The following DHX57 variants were observed in gnomAD, a reference collection of about 807,000 sequenced individuals.
DHX57 encodes the protein putative ATP-dependent RNA helicase DHX57.
Under a neutral mutation model 156.2 loss-of-function variants are expected in DHX57, and 105 were observed. The observed-to-expected ratio is 0.67, with a 90% CI of 0.57 to 0.79. The LOEUF (loss-of-function observed/expected upper bound fraction) is 0.79, where lower values mean the gene tolerates loss of function less well. Among genes scored for constraint, DHX57 ranks in the 30% least tolerant of loss-of-function variants. The pLI is 0.00. For synonymous variants in DHX57, 704 were observed against 595.6 expected (o/e 1.18, Z -2.65); for missense variants, 1,847 against 1,661.9 (o/e 1.11, Z -1.94).
chr2:38,865,359 C>A (rs996246202), intron 2 of DHX57, among the ~76,000 whole-genome samples: 4 of 151,970 alleles, frequency 2.6e-5, no homozygotes, highest in African/African-American at 7.3e-5. Context: ...AAGGGGTGTC[C>A]CCCTTTACTT....
At chr2:38,828,902 G>C (rs1671241005) in intron 13 of DHX57, among the ~76,000 whole-genome samples, 1 of 151,944 alleles carries the variant, frequency 6.6e-6, no homozygotes, top group Non-Finnish European at 1.5e-5. Flanking sequence ...AATGTCTGTC[G>C]GTATAATGCC....
intron 21 of DHX57, among the ~76,000 whole-genome samples, chr2:38,808,123 T>A (rs1224466095): frequency 1.3e-5 from 2 of 151,320 alleles, no homozygotes; most frequent in Non-Finnish European, 2.9e-5. Flanking sequence ...CTCAGCTAAT[T>A]TTTGTATTTT....
chr2:38,842,882 T>C (rs1244060761), intron 12 of DHX57, 123 bp downstream of exon 12: 4 of 1,007,492 alleles, frequency 4.0e-6, no homozygotes, highest in Non-Finnish European at 5.8e-6. Flanking sequence ...AAGGTTGCTC[T>C]GATGAATTAA....
At position 38,826,675 on chromosome 2, in the gene DHX57, G is replaced by T. The variant is rs779825210; in HGVS notation, c.2654C>A (p.Pro885Gln). The change falls in exon 15 of 24, where the codon CCA becomes CAA. Residue 885 changes from proline to glutamine, a missense_variant. Pro to Gln is a moderately conservative substitution (Grantham distance 76). Coordinates refer to ENST00000457308, the MANE Select transcript of DHX57 (RefSeq NM_198963.3). The stretch of plus-strand genomic sequence containing the variant: ...TTCACTGGATAAAGATGAATGAAGT[G>T]GGTGAATAACACATCTGGAAGGAAA... ...NRRSNRCVIH[P>Q]LHSSLSSEEQ... 1.9e-6 allele frequency: 3 copies of T among 1,613,986 alleles called. No homozygotes were observed. In the Middle Eastern group the frequency reaches 5.0e-4, roughly 266 times the overall value.
rs538883762 is a variant in DHX57, at chr2:38,803,346, C to T, written c.3817-431G>A. 2.0e-5 allele frequency among the ~76,000 whole-genome samples: 3 copies of T among 152,198 alleles called. No individual in the cohort carries two copies. In the East Asian group the frequency reaches 5.8e-4, roughly 29 times the overall value. ...TCAGGAAATGATGCTCCCATTCACC[C>T]AGCTGCTCAGGCCCCCAATTTAGGA... On this transcript the variant is annotated intron_variant, in intron 22 of 23. Transcript: ENST00000457308.
chr2:38,842,630 C>T lies in DHX57; in HGVS notation c.2425+375G>A. 1.3e-5 allele frequency among the ~76,000 whole-genome samples: 2 copies of T among 152,062 alleles called. 1 individual carries two copies. The highest frequency in any genetic ancestry group is 3.9e-4 in the East Asian group (2 of 5,188). On this transcript the variant is annotated intron_variant, in intron 12 of 23. Coordinates refer to ENST00000457308, the MANE Select transcript of DHX57 (RefSeq NM_198963.3). Reference sequence around the variant, plus strand: ...CAAAAAATGAAGTAAACATTAACAACTGGTGAATTGGGGTAAAGGATATAT... The same window carrying T: ...CAAAAAATGAAGTAAACATTAACAATTGGTGAATTGGGGTAAAGGATATAT...
intron 21 of DHX57, 143 bp downstream of exon 21, chr2:38,813,678 G>A (rs1670386351): frequency 1.0e-6 from 1 of 972,650 alleles, no homozygotes; most frequent in Non-Finnish European, 1.5e-6. Context: ...GGCCGAAAAT[G>A]TATACTAAGT....
intron 2 of DHX57, 96 bp downstream of exon 2, chr2:38,868,086 T>G: frequency 6.8e-7 from 1 of 1,463,008 alleles, no homozygotes; most frequent in Admixed American, 1.9e-5. Context: ...TTGACCAGAA[T>G]TACTCGACTT....
At position 38,861,116 on chromosome 2, in the gene DHX57, A is replaced by T. The variant is rs750408030; in HGVS notation, c.1294T>A (p.Tyr432Asn). 1 of 1,614,154 alleles carries T rather than the reference A, an allele frequency of 6.2e-7. No individual in the cohort carries two copies. The highest frequency in any genetic ancestry group is 2.2e-5 in the East Asian group (1 of 44,880). Residue 432 changes from tyrosine to asparagine, a missense_variant, in exon 5 of 24, where the codon TAT becomes AAT. Coordinates refer to ENST00000457308, the MANE Select transcript of DHX57 (RefSeq NM_198963.3). ...AGAAAGTTCACAGGAGGGTCACTAT[A>T]CTTGTGGTGGGTATTCGTTAGTAAC... is the stretch of plus-strand genomic sequence containing the variant. ...VKLLTNTHHK[Y>N]SDPPVNFLPV... is the part of the protein sequence containing the mutation.
chr2:38,816,378 C>G (rs914246935), intron 19 of DHX57, among the ~76,000 whole-genome samples: 1 of 152,036 alleles, frequency 6.6e-6, no homozygotes, highest in East Asian at 1.9e-4. Context: ...CCACGCCCAG[C>G]CAATTTTTGT....
intron 17 of DHX57, among the ~76,000 whole-genome samples, chr2:38,822,551 G>A (rs1039805656): frequency 2.0e-5 from 3 of 151,750 alleles, no homozygotes; most frequent in African/African-American, 2.4e-5. Context: ...ACATCACCAC[G>A]CCTGGCTAAT....
In DHX57 at chr2:38,855,241, G is replaced by A; in HGVS notation, c.1721C>T (p.Thr574Ile). 2 of 1,614,162 alleles carry A rather than the reference G, an allele frequency of 1.2e-6. No homozygotes were observed. Among genetic ancestry groups the A allele is most frequent in the Non-Finnish European group, 1.7e-6 (2 of 1,180,020 alleles). ...CAGAATAAACTGCGGAATTTGTGTG[G>A]TTTTCCCACATCTGTACATTAAAAC... Reference protein sequence around the residue: ...VISGMTGCGKTTQIPQFILDD... With the variant: ...VISGMTGCGKITQIPQFILDD... The change falls in exon 8 of 24, where the codon ACC becomes ATC. Residue 574 changes from threonine (T) to isoleucine (I), a missense_variant. By Grantham distance (89) the Thr-to-Ile change is moderately conservative. Transcript: ENST00000457308.
At chr2:38,862,071 A>C in intron 4 of DHX57, 74 bp downstream of exon 4, 1 of 1,467,270 alleles carries the variant, frequency 6.8e-7, no homozygotes, top group Non-Finnish European at 9.2e-7. Context: ...GTACACAAAG[A>C]GGGGTAGTGG....
At position 38,798,223 on chromosome 2, in the gene DHX57, C is replaced by G; in HGVS notation, c.*76G>C. The G allele has an allele frequency of 4.5e-6, 7 of 1,539,448 alleles. No individual in the cohort carries two copies. The highest frequency in any genetic ancestry group is 6.1e-6 in the Non-Finnish European group (7 of 1,146,344). On this transcript the variant is annotated 3_prime_UTR_variant, in exon 24 of 24. Coordinates refer to ENST00000457308, the MANE Select transcript of DHX57 (RefSeq NM_198963.3). ...GGCCAGCCCCAATAGGTCTTTAGTT[C>G]GAGGTAGAGGTTCTGCTGTTATTTC...
intron 20 of DHX57, among the ~76,000 whole-genome samples, chr2:38,814,768 G>T (rs1400702864): frequency 6.6e-6 from 1 of 152,046 alleles, no homozygotes; most frequent in Admixed American, 6.6e-5. Flanking sequence ...TGCTGCCCAG[G>T]CTGGAGTGCA....
chr2:38,799,665 G>C (rs1181198649), intron 23 of DHX57, among the ~76,000 whole-genome samples: 2 of 147,332 alleles, frequency 1.4e-5, no homozygotes, highest in Non-Finnish European at 3.0e-5. Flanking sequence ...CAGGAGAATT[G>C]CTTGAACCCA....
chr2:38,827,505 A>T (rs868317554), intron 14 of DHX57, among the ~76,000 whole-genome samples: 112 of 10,120 alleles, frequency 0.011, 1 homozygote, highest in South Asian at 0.017. Flanking sequence ...AAAAAAAAAA[A>T]ATATATATAT....
intron 9 of DHX57, among the ~76,000 whole-genome samples, chr2:38,849,092 G>A (rs1672447007): frequency 6.6e-6 from 1 of 152,084 alleles, no homozygotes. Context: ...CCACAAAGAG[G>A]CACATACAAA....
intron 13 of DHX57, among the ~76,000 whole-genome samples, chr2:38,830,400 G>C (rs1420230580): frequency 6.6e-6 from 1 of 152,012 alleles, no homozygotes; most frequent in East Asian, 1.9e-4. Context: ...GGCTGAGGTG[G>C]GTGGATCACC....
Sources: allele counts gnomAD v4.1 joint callset (sites outside exome capture counted in the v4.1 genomes callset), GRCh38; gene constraint gnomAD v4.1.1; transcripts MANE v1.5; gene names NCBI Gene and HGNC (gene_info 2026-07-23, HGNC 2026-07-21).